RAP1A: variants seen among roughly 807,000 people sequenced by gnomAD.
RAP1A encodes the protein RAP1A, member of RAS oncogene family.
Under a neutral mutation model 26.4 loss-of-function variants are expected in RAP1A, and 6 were observed. The ratio of observed to expected loss-of-function variants is 0.23; its 90% CI spans 0.12 to 0.45. The LOEUF (loss-of-function observed/expected upper bound fraction) is 0.45, where lower values mean the gene tolerates loss of function less well. Ranked by LOEUF, RAP1A falls within the 20% of genes least tolerant of loss-of-function variation. RAP1A has a pLI of 0.99. For missense variants in RAP1A, 121 were observed against 217.2 expected (o/e 0.56, Z 2.78); for synonymous variants, 73 against 79.4 (o/e 0.92, Z 0.43).
intron 1 of RAP1A, among the ~76,000 whole-genome samples, chr1:111,620,765 T>C (rs867083844): frequency 6.6e-6 from 1 of 152,222 alleles, no homozygotes; most frequent in South Asian, 2.1e-4. Flanking sequence ...ATTCTTGTTA[T>C]CCTTCAAACT....
At chr1:111,547,303 AG>A (rs539083263) in intron 1 of RAP1A, among the ~76,000 whole-genome samples, 82 of 152,190 alleles carry the variant, frequency 5.4e-4, no homozygotes, top group African/African-American at 1.9e-3. Flanking sequence ...AAATCATGAA[AG>A]GGTACTGGAT....
chr1:111,646,739 C>G (rs1220778595), intron 1 of RAP1A, among the ~76,000 whole-genome samples: 1 of 152,184 alleles, frequency 6.6e-6, no homozygotes, highest in African/African-American at 2.4e-5. Flanking sequence ...CGGGGTTTCA[C>G]TGTGTTAGCC....
chr1:111,643,066 G>A (rs1659945451), intron 1 of RAP1A, among the ~76,000 whole-genome samples: 1 of 152,106 alleles, frequency 6.6e-6, no homozygotes, highest in Non-Finnish European at 1.5e-5. Flanking sequence ...CACTGCGCCC[G>A]GCCAGCTAAT....
At chr1:111,685,163 T>TA (rs1383004154) in intron 1 of RAP1A, among the ~76,000 whole-genome samples, 6 of 151,856 alleles carry the variant, frequency 4.0e-5, no homozygotes, top group African/African-American at 9.7e-5. Context: ...CCTAAAACCA[T>TA]AAAAACCCGA....
At chr1:111,700,797 C>T (rs1002293615) in intron 4 of RAP1A, among the ~76,000 whole-genome samples, 1 of 152,074 alleles carries the variant, frequency 6.6e-6, no homozygotes, top group African/African-American at 2.4e-5. Flanking sequence ...TGCCTGAAAC[C>T]ATGGAGTCGT....
chr1:111,627,277 T>TA (rs746929929), intron 1 of RAP1A, among the ~76,000 whole-genome samples: 12 of 152,198 alleles, frequency 7.9e-5, no homozygotes, highest in Non-Finnish European at 1.8e-4. Flanking sequence ...TTATTTTTTT[T>TA]ACGAAACTTA....
chr1:111,663,873 A>T (rs1660709736), intron 1 of RAP1A, among the ~76,000 whole-genome samples: 1 of 148,128 alleles, frequency 6.8e-6, no homozygotes, highest in Non-Finnish European at 1.5e-5. Flanking sequence ...AAAGGCACTT[A>T]AAAAAAAAAG....
rs114806879 is a variant in RAP1A at position 111,694,459 on chromosome 1, C to T, written c.58-882C>T. 8.6e-3 allele frequency among the ~76,000 whole-genome samples: 1,315 copies of T among 152,260 alleles called. 17 individuals carry two copies. The highest frequency in any genetic ancestry group is 0.03 in the African/African-American group (1,259 of 41,540). ...CCCTTGCTTTTTAGGCAATAATGTA[C>T]CAGACCCTGTTTTAAAGTTACCTAG... On this transcript the variant is annotated intron_variant, in intron 2 of 7. Coordinates refer to ENST00000369709, the MANE Select transcript of RAP1A (RefSeq NM_002884.4).
chr1:111,548,491 T>G (rs1465391000), intron 1 of RAP1A, among the ~76,000 whole-genome samples: 1 of 152,248 alleles, frequency 6.6e-6, no homozygotes, highest in Non-Finnish European at 1.5e-5. Context: ...TTTGTGCAGC[T>G]GATCTGGGCA....
chr1:111,708,933 G>A (rs555742934), intron 6 of RAP1A, among the ~76,000 whole-genome samples: 17 of 152,206 alleles, frequency 1.1e-4, no homozygotes, highest in African/African-American at 3.4e-4. Context: ...ATTTGATGTC[G>A]AATATCTAGG....
intron 1 of RAP1A, among the ~76,000 whole-genome samples, chr1:111,580,383 A>G (rs975100362): frequency 2.0e-5 from 3 of 152,198 alleles, no homozygotes; most frequent in African/African-American, 7.2e-5. Flanking sequence ...GATGAGGATA[A>G]TAAGTTCTTT....
At chr1:111,642,443 A>T (rs1659919677) in intron 1 of RAP1A, among the ~76,000 whole-genome samples, 1 of 151,090 alleles carries the variant, frequency 6.6e-6, no homozygotes, top group African/African-American at 2.4e-5. Flanking sequence ...TTTCTTGCTT[A>T]TTCCTCCTGA....
At chr1:111,663,655 C>G (rs1419378552) in intron 1 of RAP1A, among the ~76,000 whole-genome samples, 2 of 152,136 alleles carry the variant, frequency 1.3e-5, no homozygotes, top group Non-Finnish European at 2.9e-5. Flanking sequence ...ATTGAATTAC[C>G]GAATATAGTG....
chr1:111,596,908 G>A (rs1252213036), intron 1 of RAP1A, among the ~76,000 whole-genome samples: 1 of 152,212 alleles, frequency 6.6e-6, no homozygotes, highest in Non-Finnish European at 1.5e-5. Flanking sequence ...TTGATTTGGG[G>A]TTAGGGGGTC....
At chr1:111,670,042 C>CA in intron 1 of RAP1A, among the ~76,000 whole-genome samples, 1 of 151,934 alleles carries the variant, frequency 6.6e-6, no homozygotes, top group Non-Finnish European at 1.5e-5. Flanking sequence ...AAGAGTGAAG[C>CA]AAAGTTTTCA....
At chr1:111,624,512 C>G (rs926193312) in intron 1 of RAP1A, among the ~76,000 whole-genome samples, 1 of 152,186 alleles carries the variant, frequency 6.6e-6, no homozygotes, top group Non-Finnish European at 1.5e-5. Context: ...TAAGAGGGCA[C>G]TTTGTTTCAA....
At chr1:111,564,465 G>A (rs1657864870) in intron 1 of RAP1A, among the ~76,000 whole-genome samples, 1 of 151,390 alleles carries the variant, frequency 6.6e-6, no homozygotes, top group Non-Finnish European at 1.5e-5. Flanking sequence ...AGCCATGATG[G>A]CACCACCACT....
chr1:111,611,309 G>C (rs1028174440), intron 1 of RAP1A, among the ~76,000 whole-genome samples: 3 of 152,200 alleles, frequency 2.0e-5, no homozygotes, highest in Non-Finnish European at 4.4e-5. Context: ...CTAAGGGAAG[G>C]AACAGGAAAC....
At position 111,695,410 on chromosome 1, in the gene RAP1A, G is replaced by C. The variant is rs1214727166; in HGVS notation, c.126+1G>C. On this transcript the variant is annotated splice_donor_variant, in intron 3 of 7. Coordinates refer to ENST00000369709, the MANE Select transcript of RAP1A (RefSeq NM_002884.4). LOFTEE classifies it high-confidence loss of function. ...AACGATAGAAGATTCCTACAGAAAG[G>C]TAAAATGTGAAACTTGTACACACAT... 1 of 1,549,374 alleles carries C rather than the reference G, an allele frequency of 6.5e-7. No homozygotes were observed.
Sources: allele counts gnomAD v4.1 joint callset (sites outside exome capture counted in the v4.1 genomes callset), GRCh38; gene constraint gnomAD v4.1.1; transcripts MANE v1.5; gene names NCBI Gene and HGNC (gene_info 2026-07-23, HGNC 2026-07-21).